Variants in CRTC3 observed in about 807,000 individuals in gnomAD.
The protein encoded by CRTC3 is CREB-regulated transcription coactivator 3.
In CRTC3, 26 loss-of-function variants were observed where a neutral mutation model predicts 74.5. The ratio of observed to expected loss-of-function variants is 0.35; its 90% CI spans 0.26 to 0.48. The LOEUF is 0.48. Ranked by LOEUF, CRTC3 falls within the 20% of genes least tolerant of loss-of-function variation. CRTC3 has a pLI of 0.99. For synonymous variants in CRTC3, 377 were observed against 325.8 expected (o/e 1.16, Z -1.69); for missense variants, 760 against 787.3 (o/e 0.97, Z 0.41).
chr15:90,614,422 T>C, intron 6 of CRTC3, 31 bp from the exon 7 acceptor site: 1 of 1,547,626 alleles, frequency 6.5e-7, no homozygotes, highest in Non-Finnish European at 8.9e-7. Flanking sequence ...CATAAAAGTG[T>C]TTTCTTTTTT....
intron 2 of CRTC3, among the ~76,000 whole-genome samples, chr15:90,581,885 T>C (rs1289291123): frequency 1.3e-5 from 2 of 152,208 alleles, no homozygotes; most frequent in East Asian, 1.9e-4. Flanking sequence ...CAGGTGCCTG[T>C]CTTTTACATA....
intron 2 of CRTC3, among the ~76,000 whole-genome samples, chr15:90,550,832 T>C (rs4349125): frequency 0.39 from 58,427 of 151,388 alleles, 11,758 homozygotes; most frequent in Non-Finnish European, 0.45. Context: ...GGAAAGGGGA[T>C]CAGAAACGGG....
intron 2 of CRTC3, among the ~76,000 whole-genome samples, chr15:90,591,311 G>C (rs1485247803): frequency 6.6e-6 from 1 of 151,858 alleles, no homozygotes; most frequent in East Asian, 1.9e-4. Flanking sequence ...GTAGAGACAG[G>C]GTCTCACTAT....
At chr15:90,564,480 T>A (rs1193995812) in intron 2 of CRTC3, among the ~76,000 whole-genome samples, 1 of 152,160 alleles carries the variant, frequency 6.6e-6, no homozygotes, top group Non-Finnish European at 1.5e-5. Context: ...TCTATTATTT[T>A]CTCTGCCCTA....
chr15:90,566,950 A>G (rs1248606979), intron 2 of CRTC3, among the ~76,000 whole-genome samples: 1 of 151,818 alleles, frequency 6.6e-6, no homozygotes, highest in Non-Finnish European at 1.5e-5. Flanking sequence ...ACCTCAGGTA[A>G]CTCACCCTTC....
intron 9 of CRTC3, among the ~76,000 whole-genome samples, chr15:90,623,045 C>T (rs1968706853): frequency 1.3e-5 from 2 of 152,134 alleles, no homozygotes; most frequent in Admixed American, 6.6e-5. Context: ...GCTCAGCTCT[C>T]TTCTGCCACT....
chr15:90,541,053 T>C (rs1966794309), intron 2 of CRTC3, among the ~76,000 whole-genome samples: 1 of 152,226 alleles, frequency 6.6e-6, no homozygotes, highest in Non-Finnish European at 1.5e-5. Flanking sequence ...TGTCCTCGGG[T>C]GCTTTCATCG....
intron 13 of CRTC3, among the ~76,000 whole-genome samples, chr15:90,640,782 T>C (rs1242992569): frequency 6.6e-6 from 1 of 152,038 alleles, no homozygotes; most frequent in African/African-American, 2.4e-5. Flanking sequence ...GCAAAGGCCT[T>C]GGTGAGGCTG....
chr15:90,568,453 C>T (rs918424370), intron 2 of CRTC3, among the ~76,000 whole-genome samples: 2 of 151,960 alleles, frequency 1.3e-5, no homozygotes, highest in Non-Finnish European at 2.9e-5. Flanking sequence ...TGGGTTCAAG[C>T]GATTCTCCTG....
At chr15:90,533,503 C>T (rs1440684945) in intron 1 of CRTC3, among the ~76,000 whole-genome samples, 2 of 151,328 alleles carry the variant, frequency 1.3e-5, no homozygotes, top group South Asian at 4.2e-4. Flanking sequence ...TTAATGTATT[C>T]ATTTGTCAGT....
chr15:90,547,376 A>G (rs1229718067), intron 2 of CRTC3, among the ~76,000 whole-genome samples: 2 of 152,190 alleles, frequency 1.3e-5, no homozygotes, highest in East Asian at 1.9e-4. Context: ...GGAGTTTACA[A>G]AATGCTTTCA....
rs559423648 is a variant in CRTC3, at chr15:90,624,044, T to TACA, written c.750-1731_750-1730insCAA. On this transcript the variant is annotated intron_variant, in intron 9 of 14. Coordinates refer to ENST00000268184, the MANE Select transcript of CRTC3 (RefSeq NM_022769.5). Reference sequence around the variant, plus strand: ...CTCCACATGGCCTCCCTCCAGGCTCTATCACTGCACTACTGAATTGTATTA... The same window carrying TACA: ...CTCCACATGGCCTCCCTCCAGGCTCTACAATCACTGCACTACTGAATTGTATTA... Among the ~76,000 whole-genome samples the TACA allele has an allele frequency of 2.5e-3, 373 of 152,218 alleles. 1 individual carries two copies. The highest frequency in any genetic ancestry group is 8.5e-3 in the African/African-American group (353 of 41,512).
intron 2 of CRTC3, among the ~76,000 whole-genome samples, chr15:90,549,057 T>C (rs1966849487): frequency 6.6e-6 from 1 of 152,246 alleles, no homozygotes; most frequent in African/African-American, 2.4e-5. Context: ...GAAAACTGGT[T>C]ACATCTTTTT....
At chr15:90,621,741 C>A (rs890522609) in intron 9 of CRTC3, among the ~76,000 whole-genome samples, 1 of 152,176 alleles carries the variant, frequency 6.6e-6, no homozygotes, top group Non-Finnish European at 1.5e-5. Flanking sequence ...CCATGCCTGG[C>A]CAACCTGGAG....
At chr15:90,639,785 C>T (rs1282015853) in intron 13 of CRTC3, among the ~76,000 whole-genome samples, 5 of 149,432 alleles carry the variant, frequency 3.3e-5, no homozygotes, top group East Asian at 2.1e-4. Context: ...TAGTGGCTCA[C>T]GCCTGTAATC....
At position 90,607,614 on chromosome 15, in the gene CRTC3, C is replaced by T. The variant is rs148484633; in HGVS notation, c.577+136C>T. The T allele has an allele frequency of 1.6e-3, 931 of 587,546 alleles. 9 individuals carry two copies. In the African/African-American group the frequency reaches 0.016, roughly 10 times the overall value. 36.4% of individuals were successfully genotyped at this position (587,546 alleles called of 1,614,324 possible). A position where few individuals can be genotyped will look rare whatever the true frequency, so the allele number is the denominator to read the frequency against. On this transcript the variant is annotated intron_variant, in intron 6 of 14. Transcript: ENST00000268184. ...AGAGAGGCAGCTCGTGGCAGGGAAGCGTGTGTGTCCATGATGCAGTCAGGA... is the reference window on the plus strand; with the variant it reads ...AGAGAGGCAGCTCGTGGCAGGGAAGTGTGTGTGTCCATGATGCAGTCAGGA...
Position 90,637,460 on chromosome 15 carries a change from G to A in CRTC3, c.1267-986G>A, listed in dbSNP as rs535337131. Among the ~76,000 whole-genome samples, 21 of 152,214 alleles carry A rather than the reference G, an allele frequency of 1.4e-4. No individual in the cohort carries two copies. The East Asian group carries it at 3.1e-3, about 22-fold the overall frequency. The stretch of plus-strand genomic sequence containing the variant: ...GGGAGATATACCTAACGTAAATGAC[G>A]AGTTAATGGGTGTAGCACACCAACA... On this transcript the variant is annotated intron_variant, in intron 11 of 14. Transcript: ENST00000268184.
chr15:90,640,986 A>C, intron 13 of CRTC3, 111 bp from the exon 14 acceptor site: 1 of 711,592 alleles, frequency 1.4e-6, no homozygotes, highest in African/African-American at 1.7e-5. Flanking sequence ...GAAAGAAGGG[A>C]ATATGGATTA....
intron 6 of CRTC3, among the ~76,000 whole-genome samples, chr15:90,609,521 C>T (rs976253833): frequency 6.6e-6 from 1 of 152,190 alleles, no homozygotes; most frequent in East Asian, 1.9e-4. Flanking sequence ...TCTGCCTCTG[C>T]CGATCCTTCA....
Sources: allele counts gnomAD v4.1 joint callset (sites outside exome capture counted in the v4.1 genomes callset), GRCh38; gene constraint gnomAD v4.1.1; transcripts MANE v1.5; gene names NCBI Gene and HGNC (gene_info 2026-07-23, HGNC 2026-07-21).